The following FLT1 variants were observed in gnomAD, a reference collection of about 807,000 sequenced individuals.
The protein encoded by FLT1 is vascular endothelial growth factor receptor 1.
A neutral mutation model predicts 156.3 loss-of-function variants in FLT1; 49 were observed. The ratio of observed to expected loss-of-function variants is 0.31; its 90% confidence interval spans 0.25 to 0.40. The LOEUF is 0.40. Ranked by LOEUF, FLT1 falls within the 10% of genes least tolerant of loss-of-function variation. The probability of loss-of-function intolerance (pLI) is 1.00; values close to 1 mark genes in which losing one functional copy is unlikely to be tolerated. For synonymous variants in FLT1, 594 were observed against 583.8 expected (o/e 1.02, Z -0.25); for missense variants, 1,322 against 1,637.2 (o/e 0.81, Z 3.32).
chr13:28,307,670 T>TTA (rs2138808313), intron 28 of FLT1, among the ~76,000 whole-genome samples: 1 of 151,884 alleles, frequency 6.6e-6, no homozygotes, highest in East Asian at 1.9e-4. Context: ...TTTTTTTTTT[T>TTA]AAGGGTGACT....
At chr13:28,370,056 G>T (rs975401503) in intron 14 of FLT1, among the ~76,000 whole-genome samples, 1 of 151,970 alleles carries the variant, frequency 6.6e-6, no homozygotes, top group African/African-American at 2.4e-5. Context: ...AAAAAAATTA[G>T]CCCGGCATGG....
rs144651121 is a variant in FLT1 at position 28,390,066 on chromosome 13, G to C, written c.1699C>G (p.Pro567Ala). The C allele has an allele frequency of 3.0e-5, 48 of 1,613,952 alleles. No homozygotes were observed. Among genetic ancestry groups the C allele is most frequent in the South Asian group, 3.3e-5 (3 of 91,082 alleles). The stretch of plus-strand genomic sequence containing the variant: ...AGTTTCAGGTCCTCTCCTTCCGTCG[G>C]CATTTTTTCCAAGTTAACATGAAAC... ...NGFHVNLEKM[P>A]TEGEDLKLSC... is the part of the protein sequence containing the mutation. The change falls in exon 13 of 30, where the codon CCG (proline) becomes GCG (alanine). Residue 567 changes from proline to alanine, a missense_variant. Pro to Ala is a conservative substitution (Grantham distance 27). Coordinates refer to ENST00000282397, the MANE Select transcript of FLT1 (RefSeq NM_002019.4).
chr13:28,343,087 T>A (rs1229188891), intron 16 of FLT1, among the ~76,000 whole-genome samples: 1 of 152,170 alleles, frequency 6.6e-6, no homozygotes, highest in Non-Finnish European at 1.5e-5. Context: ...CAAGTGATTC[T>A]CCTGCTTCAG....
At position 28,433,167 on chromosome 13, in the gene FLT1, A is replaced by T. The variant is rs577800865; in HGVS notation, c.813+652T>A. Among the ~76,000 whole-genome samples the T allele has an allele frequency of 2.0e-5, 3 of 152,356 alleles. No homozygotes were observed. In the East Asian group the frequency reaches 5.8e-4, roughly 29 times the overall value. The stretch of plus-strand genomic sequence containing the variant: ...TGACACACAAGAAATGGGGGCTAGA[A>T]CTACTGTCAAAATTTCCGTAACAGT... On this transcript the variant is annotated intron_variant, in intron 6 of 29. Coordinates refer to ENST00000282397, the MANE Select transcript of FLT1 (RefSeq NM_002019.4).
chr13:28,455,464 C>A (rs2137596198), intron 3 of FLT1, among the ~76,000 whole-genome samples: 1 of 152,226 alleles, frequency 6.6e-6, no homozygotes, highest in South Asian at 2.1e-4. Flanking sequence ...TAGACACAGA[C>A]CTTACACTCT....
chr13:28,467,256 G>T (rs1359076000), intron 2 of FLT1, 127 bp from the exon 3 acceptor site: 2 of 787,922 alleles, frequency 2.5e-6, no homozygotes, highest in East Asian at 4.9e-5. Context: ...TCCTCTTTAC[G>T]GGAAAGCAAC....
chr13:28,396,174 A>T (rs1476177823), intron 12 of FLT1, among the ~76,000 whole-genome samples: 1 of 152,230 alleles, frequency 6.6e-6, no homozygotes, highest in Non-Finnish European at 1.5e-5. Context: ...ATCTGACAAC[A>T]CATATGTGTC....
chr13:28,403,039 G>T (rs372645267), intron 11 of FLT1, among the ~76,000 whole-genome samples: 6 of 152,278 alleles, frequency 3.9e-5, no homozygotes, highest in Admixed American at 1.3e-4. Flanking sequence ...CACTTTGGTA[G>T]GTGATCGGCT....
At chr13:28,408,033 A>G (rs1875915924) in intron 10 of FLT1, among the ~76,000 whole-genome samples, 1 of 152,196 alleles carries the variant, frequency 6.6e-6, no homozygotes. Flanking sequence ...TAGATTAGAC[A>G]TTTGCATATG....
At chr13:28,446,053 A>G (rs1878599731) in intron 3 of FLT1, among the ~76,000 whole-genome samples, 2 of 152,236 alleles carry the variant, frequency 1.3e-5, no homozygotes, top group African/African-American at 4.8e-5. Context: ...AAACATCAAA[A>G]CCCACATGAC....
At chr13:28,418,878 C>G (rs990445237) in intron 10 of FLT1, among the ~76,000 whole-genome samples, 3 of 152,138 alleles carry the variant, frequency 2.0e-5, no homozygotes, top group Middle Eastern at 3.4e-3. Flanking sequence ...CAGCCCTCCC[C>G]CTTTATACCA....
chr13:28,389,282 C>T, intron 13 of FLT1: 1 of 1,175,324 alleles, frequency 8.5e-7, no homozygotes, highest in Non-Finnish European at 1.0e-6. Context: ...TTCAACTGTA[C>T]TCATTCTGAG....
chr13:28,455,523 C>T (rs981216279), intron 3 of FLT1, among the ~76,000 whole-genome samples: 15 of 152,144 alleles, frequency 9.9e-5, no homozygotes, highest in African/African-American at 2.9e-4. Context: ...ATGTAAAATG[C>T]GAAACTATAA....
chr13:28,332,069 A>T (rs374902662), intron 18 of FLT1, among the ~76,000 whole-genome samples: 53 of 152,064 alleles, frequency 3.5e-4, no homozygotes, highest in African/African-American at 8.9e-4. Context: ...ACAAAAAAAA[A>T]TTTTTTGAAT....
intron 10 of FLT1, among the ~76,000 whole-genome samples, chr13:28,406,672 G>T (rs1042567117): frequency 6.6e-6 from 1 of 151,092 alleles, no homozygotes; most frequent in Non-Finnish European, 1.5e-5. Context: ...TAGAGACAGG[G>T]TCTCACTCTG....
chr13:28,370,121 C>T (rs1044704321), intron 14 of FLT1, among the ~76,000 whole-genome samples: 4 of 151,724 alleles, frequency 2.6e-5, no homozygotes, highest in African/African-American at 9.7e-5. Context: ...TGGGAGGAGG[C>T]TGCAGTGAGC....
In FLT1 at chr13:28,386,463, G is replaced by T. The variant is rs910989365; in HGVS notation, c.1970-1432C>A. On this transcript the variant is annotated intron_variant, in intron 13 of 29. Transcript: ENST00000282397. ...ATTTTATAAAAAATGAAATCTGAAG[G>T]CAAAAAAGTGTGCTGAAGGAAGTGC... The T allele has an allele frequency of 2.9e-6, 3 of 1,044,558 alleles. No homozygotes were observed. The African/African-American group carries it at 5.0e-5, about 17-fold the overall frequency. The allele number at this position is 1,044,558 out of a possible 1,614,324, so 64.7% of individuals were successfully genotyped here.
intron 3 of FLT1, among the ~76,000 whole-genome samples, chr13:28,452,779 C>T (rs1879022354): frequency 6.6e-6 from 1 of 151,978 alleles, no homozygotes; most frequent in Non-Finnish European, 1.5e-5. Context: ...CTTTCAATTG[C>T]TTCTTGCCAA....
At chr13:28,319,602 A>AT (rs1871357329) in intron 23 of FLT1, 68 bp from the exon 24 acceptor site, 13 of 877,510 alleles carry the variant, frequency 1.5e-5, no homozygotes, top group Non-Finnish European at 2.5e-5. Context: ...CCGAGTGTCC[A>AT]TGGGGTCACC....
Sources: allele counts gnomAD v4.1 joint callset (sites outside exome capture counted in the v4.1 genomes callset), GRCh38; gene constraint gnomAD v4.1.1; transcripts MANE v1.5; gene names NCBI Gene and HGNC (gene_info 2026-07-23, HGNC 2026-07-21).